PLEKHA4: variants seen among roughly 807,000 people sequenced by gnomAD.
The protein encoded by PLEKHA4 is pleckstrin homology domain-containing family A member 4.
A neutral mutation model predicts 94.7 loss-of-function variants in PLEKHA4; 73 were observed. The ratio of observed to expected loss-of-function variants is 0.77; its 90% confidence interval spans 0.64 to 0.94. The LOEUF (loss-of-function observed/expected upper bound fraction) is 0.94, where lower values mean the gene tolerates loss of function less well. Ranked by LOEUF, PLEKHA4 falls within the 40% of genes least tolerant of loss-of-function variation. The pLI is 0.00. For missense variants in PLEKHA4, 1,049 were observed against 1,054.1 expected (o/e 1.00, Z 0.07); for synonymous variants, 449 against 437.1 (o/e 1.03, Z -0.34).
rs2036321685 is a variant in PLEKHA4, at chr19:48,854,332, G to A, written c.1048-68C>T. On this transcript the variant is annotated intron_variant, in intron 9 of 19. Coordinates refer to ENST00000263265, the MANE Select transcript of PLEKHA4 (RefSeq NM_020904.3). ...GGTCATTCTTGTAACTCAGTGCTGA[G>A]CCACGCCCTGTCTCTACTGATAGGT... 4 of 1,379,014 alleles carry A rather than the reference G, an allele frequency of 2.9e-6. No individual in the cohort carries two copies. The East Asian group carries it at 9.1e-5, about 32-fold the overall frequency. 85.4% of individuals were successfully genotyped at this position (1,379,014 alleles called of 1,614,324 possible).
chr19:48,845,980 C>T lies in PLEKHA4; in HGVS notation c.1567-364G>A, dbSNP rs1276519206. ...GAGCCGAGATCGCACCACTGCACTC[C>T]AGCCTGGGCGGCAGAGCAAGACTCT... On this transcript the variant is annotated intron_variant, in intron 14 of 19. Transcript: ENST00000263265. Among the ~76,000 whole-genome samples the T allele has an allele frequency of 1.5e-4, 22 of 143,336 alleles. 2 individuals carry two copies. Among genetic ancestry groups the T allele is most frequent in the Admixed American group, 1.4e-3 (19 of 13,878 alleles). 94.0% of individuals were successfully genotyped at this position (143,336 alleles called of 152,430 possible).
intron 13 of PLEKHA4, among the ~76,000 whole-genome samples, chr19:48,851,721 G>A (rs1404917848): frequency 1.3e-5 from 2 of 151,982 alleles, no homozygotes; most frequent in African/African-American, 4.8e-5. Flanking sequence ...TTGGGAGGCC[G>A]TGGCAGGCAG....
chr19:48,855,586 A>T (rs2036371235), intron 9 of PLEKHA4, among the ~76,000 whole-genome samples: 1 of 150,600 alleles, frequency 6.6e-6, no homozygotes, highest in South Asian at 2.1e-4. Flanking sequence ...CCCGGGTGAC[A>T]GAGTGAGATT....
intron 16 of PLEKHA4, among the ~76,000 whole-genome samples, chr19:48,843,401 G>A (rs768351616): frequency 1.3e-4 from 20 of 151,890 alleles, no homozygotes; most frequent in Non-Finnish European, 2.5e-4. Context: ...GGCTGGTTTC[G>A]AACTCCTGAC....
In PLEKHA4 at chr19:48,849,027, G is replaced by A. The variant is rs113865125; in HGVS notation, c.1426-987C>T. 4.5e-3 allele frequency among the ~76,000 whole-genome samples: 690 copies of A among 152,084 alleles called. 2 individuals are homozygous for A. Among genetic ancestry groups the A allele is most frequent in the African/African-American group, 0.016 (648 of 41,508 alleles). On this transcript the variant is annotated intron_variant, in intron 13 of 19. Coordinates refer to ENST00000263265, the MANE Select transcript of PLEKHA4 (RefSeq NM_020904.3). ...CGATCCTTCCACCTCAGCCTCCTGA[G>A]TAACTGGGACCACAGGCGTGCACAA...
chr19:48,865,438 G>A (rs968869534), intron 3 of PLEKHA4, 65 bp downstream of exon 3: 2 of 1,238,406 alleles, frequency 1.6e-6, no homozygotes, highest in Non-Finnish European at 2.4e-6. Flanking sequence ...GACTTGCAAG[G>A]AGAGAGACAG....
At chr19:48,862,420 T>C (rs2036678564) in intron 3 of PLEKHA4, among the ~76,000 whole-genome samples, 1 of 151,778 alleles carries the variant, frequency 6.6e-6, no homozygotes, top group Admixed American at 6.6e-5. Context: ...AGGCTGGTCT[T>C]GAACTCCTGA....
In PLEKHA4 at chr19:48,859,454, G is replaced by C; in HGVS notation, c.692+15C>G. Reference sequence around the variant, plus strand: ...TCTCTTAGGCCACGCCCACAACCATGTCCTCCCTACTCACTCGGGGCTCCT... The same window carrying C: ...TCTCTTAGGCCACGCCCACAACCATCTCCTCCCTACTCACTCGGGGCTCCT... On this transcript the variant is annotated intron_variant, in intron 7 of 19. Transcript: ENST00000263265. 2.5e-6 allele frequency: 4 copies of C among 1,612,816 alleles called. No individual in the cohort carries two copies. The highest frequency in any genetic ancestry group is 3.4e-6 in the Non-Finnish European group (4 of 1,179,668).
chr19:48,854,189 A>G, intron 10 of PLEKHA4, 28 bp downstream of exon 10: 1 of 1,613,662 alleles, frequency 6.2e-7, no homozygotes, highest in South Asian at 1.1e-5. Flanking sequence ...CTGGGAACTC[A>G]GCAAGGATTA....
chr19:48,853,278 C>T (rs1050034373), intron 12 of PLEKHA4, among the ~76,000 whole-genome samples: 6 of 152,244 alleles, frequency 3.9e-5, no homozygotes, highest in Admixed American at 3.9e-4. Context: ...TGCCTGTAAT[C>T]CCAGCACTTT....
intron 6 of PLEKHA4, 44 bp from the exon 7 acceptor site, chr19:48,859,728 T>C: frequency 1.3e-6 from 2 of 1,541,354 alleles, no homozygotes; most frequent in Non-Finnish European, 1.8e-6. Flanking sequence ...TCGAACTTCA[T>C]AACAGCCCTA....
intron 13 of PLEKHA4, among the ~76,000 whole-genome samples, chr19:48,849,032 T>G (rs2036083180): frequency 6.6e-6 from 1 of 151,998 alleles, no homozygotes; most frequent in Non-Finnish European, 1.5e-5. Context: ...CCTGAGTAAC[T>G]GGGACCACAG....
intron 3 of PLEKHA4, 32 bp downstream of exon 3, chr19:48,865,471 C>A: frequency 6.5e-7 from 1 of 1,547,538 alleles, no homozygotes; most frequent in Non-Finnish European, 8.9e-7. Flanking sequence ...GCACAGACTT[C>A]AGTGTCCTTT....
At chr19:48,866,928 C>G (rs1200665779) in intron 2 of PLEKHA4, among the ~76,000 whole-genome samples, 1 of 152,204 alleles carries the variant, frequency 6.6e-6, no homozygotes, top group African/African-American at 2.4e-5. Context: ...TCTCCTGATG[C>G]CCACAGATAT....
chr19:48,842,198 G>A (rs2035796774), intron 16 of PLEKHA4, among the ~76,000 whole-genome samples: 3 of 144,014 alleles, frequency 2.1e-5, no homozygotes, highest in South Asian at 4.4e-4. Context: ...AGGCTGGAGT[G>A]CAGTGGCGCA....
At chr19:48,864,944 A>G (rs1047369656) in intron 3 of PLEKHA4, among the ~76,000 whole-genome samples, 4 of 151,962 alleles carry the variant, frequency 2.6e-5, no homozygotes, top group African/African-American at 9.7e-5. Context: ...TTATCCACCC[A>G]TGCTCCACCC....
chr19:48,839,264 C>A lies in PLEKHA4; in HGVS notation c.1906-1G>T, dbSNP rs1433675280. ...GGGCTCCCGAGTGTCCTACGACAGG[C>A]TGGAAAGGAATTGGGGCATTAGAAC... On this transcript the variant is annotated splice_acceptor_variant, in intron 17 of 19. Coordinates refer to ENST00000263265, the MANE Select transcript of PLEKHA4 (RefSeq NM_020904.3). LOFTEE classifies it high-confidence loss of function. 4 of 1,583,188 alleles carry A rather than the reference C, an allele frequency of 2.5e-6. No individual in the cohort carries two copies. Among genetic ancestry groups the A allele is most frequent in the Middle Eastern group, 1.7e-4 (1 of 5,920 alleles).
intron 3 of PLEKHA4, among the ~76,000 whole-genome samples, chr19:48,862,202 C>T (rs2036668386): frequency 8.3e-6 from 1 of 121,046 alleles, no homozygotes. Flanking sequence ...TCTTTTCTCT[C>T]TCTTTTTTTT....
intron 14 of PLEKHA4, among the ~76,000 whole-genome samples, chr19:48,846,291 C>CA (rs369065603): frequency 0.1 from 14,985 of 144,758 alleles, 996 homozygotes; most frequent in Non-Finnish European, 0.15. Context: ...ACTAAAAATA[C>CA]AAAAAAAAAA....
Sources: allele counts gnomAD v4.1 joint callset (sites outside exome capture counted in the v4.1 genomes callset), GRCh38; gene constraint gnomAD v4.1.1; transcripts MANE v1.5; gene names NCBI Gene and HGNC (gene_info 2026-07-23, HGNC 2026-07-21).